The following ANK3 variants were observed in gnomAD, a reference collection of about 807,000 sequenced individuals.
ANK3 encodes the protein ankyrin 3, also known as ankyrin-3.
A neutral mutation model predicts 370.9 loss-of-function variants in ANK3; 57 were observed. The ratio of observed to expected loss-of-function variants is 0.15; its 90% confidence interval spans 0.12 to 0.19. The LOEUF (loss-of-function observed/expected upper bound fraction) is 0.19, where lower values mean the gene tolerates loss of function less well. Among genes scored for constraint, ANK3 ranks in the 10% least tolerant of loss-of-function variants. The pLI, the probability that ANK3 is intolerant of heterozygous loss-of-function variation, is 1.00. For synonymous variants in ANK3, 1,929 were observed against 1,946.3 expected (o/e 0.99, Z 0.23); for missense variants, 4,439 against 5,302.1 (o/e 0.84, Z 5.06).
At chr10:60,247,908 GT>G in intron 7 of ANK3, among the ~76,000 whole-genome samples, 1 of 152,116 alleles carries the variant, frequency 6.6e-6, no homozygotes, top group Non-Finnish European at 1.5e-5. Context: ...CTCAGATGAT[GT>G]GCCTGCCTCA....
chr10:60,231,333 C>A (rs144402768), intron 8 of ANK3, among the ~76,000 whole-genome samples: 4 of 152,316 alleles, frequency 2.6e-5, no homozygotes, highest in Admixed American at 2.0e-4. Context: ...CCAGGCAGGG[C>A]ACAGAGCAAT....
At chr10:60,043,527 C>G in intron 42 of ANK3, 1 of 985,420 alleles carries the variant, frequency 1.0e-6, no homozygotes, top group Non-Finnish European at 1.2e-6. Flanking sequence ...TTAACTGGCA[C>G]ATTGGAAATG....
At chr10:60,198,652 TC>T in intron 13 of ANK3, 115 bp from the exon 14 acceptor site, 1 of 894,390 alleles carries the variant, frequency 1.1e-6, no homozygotes, top group Non-Finnish European at 1.8e-6. Flanking sequence ...ACTTTTTGAG[TC>T]AATGCTAAAA....
At chr10:60,097,261 CA>C (rs2090327117) in intron 28 of ANK3, among the ~76,000 whole-genome samples, 1 of 152,190 alleles carries the variant, frequency 6.6e-6, no homozygotes, top group Non-Finnish European at 1.5e-5. Context: ...TGAAGTCACA[CA>C]GACATGGACT....
chr10:60,336,647 C>T (rs187608936), intron 1 of ANK3, among the ~76,000 whole-genome samples: 3 of 152,138 alleles, frequency 2.0e-5, no homozygotes, highest in Admixed American at 1.3e-4. Context: ...AATGAATGTG[C>T]ATTTTAAGAA....
In ANK3 at chr10:60,632,896, T is replaced by C. The variant is rs927704465; in HGVS notation, c.58-17672A>G. ...GACTCTGTCTTCAAAAACAAAAAAA[T>C]AAAAAACAAAAAAAAAACCATACTT... On this transcript the variant is annotated intron_variant, in intron 1 of 43. Transcript: ENST00000373827. Among the ~76,000 whole-genome samples, 5 of 91,504 alleles carry C rather than the reference T, an allele frequency of 5.5e-5. No individual in the cohort carries two copies. The South Asian group carries it at 2.3e-3, about 42-fold the overall frequency. 60.0% of individuals were successfully genotyped at this position (91,504 alleles called of 152,430 possible).
At chr10:60,276,637 A>G (rs2098094224) in intron 4 of ANK3, among the ~76,000 whole-genome samples, 1 of 152,240 alleles carries the variant, frequency 6.6e-6, no homozygotes, top group Non-Finnish European at 1.5e-5. Flanking sequence ...AATTGAAATT[A>G]GAACTAATTA....
chr10:60,378,588 A>G (rs958717361), intron 1 of ANK3, among the ~76,000 whole-genome samples: 3 of 152,262 alleles, frequency 2.0e-5, no homozygotes, highest in Middle Eastern at 3.4e-3. Context: ...AAGAACGCTC[A>G]TTGGGGAAAG....
chr10:60,166,495 G>A, intron 23 of ANK3, 96 bp downstream of exon 23: 1 of 922,720 alleles, frequency 1.1e-6, no homozygotes, highest in South Asian at 1.5e-5. Context: ...AATATGAAAA[G>A]TTAGTAACTC....
intron 2 of ANK3, among the ~76,000 whole-genome samples, chr10:60,455,917 TGAGATTATTA>T (rs777030642): frequency 6.6e-6 from 1 of 152,182 alleles, no homozygotes; most frequent in Non-Finnish European, 1.5e-5. Context: ...GTATGTACAA[TGAGATTATTA>T]AACAGTTCCC....
chr10:60,107,240 A>C (rs2092287302), intron 27 of ANK3, among the ~76,000 whole-genome samples: 2 of 152,178 alleles, frequency 1.3e-5, no homozygotes, highest in Non-Finnish European at 2.9e-5. Context: ...TGTTCTTAGC[A>C]GTATTAATAA....
intron 2 of ANK3, among the ~76,000 whole-genome samples, chr10:60,463,246 C>T (rs2064932867): frequency 2.6e-5 from 4 of 152,142 alleles, no homozygotes; most frequent in Non-Finnish European, 5.9e-5. Flanking sequence ...CTCTTTTGGA[C>T]TTGTTCCATA....
rs532004139 is a variant in ANK3 at position 60,069,726 on chromosome 10, G to A, written c.11155C>T (p.Arg3719Cys). 17 of 1,613,580 alleles carry A rather than the reference G, an allele frequency of 1.1e-5. No homozygotes were observed. Among genetic ancestry groups the A allele is most frequent in the East Asian group, 6.7e-5 (3 of 44,860 alleles). ...GAAATTCCCATTTTTATAGGCGTGC[G>A]CAACTTGGGGTCAACTTTAGAGGTG... ...TNTSKVDPKL[R>C]TPIKMGISAS... is the part of the protein sequence containing the mutation. Residue 3719 changes from arginine (R) to cysteine (C), a missense_variant, in exon 37 of 44, where the codon CGC (arginine) becomes TGC (cysteine). Physicochemically the swap from Arg to Cys is radical, Grantham distance 180 (BLOSUM62 -3). This residue lies in a region of ANK3 where 496 missense variants were observed against 529.3 expected (regional missense o/e 0.94). Coordinates refer to ENST00000280772, the MANE Select transcript of ANK3 (RefSeq NM_020987.5).
At chr10:60,390,421 T>A (rs1229087359), upstream of ANK3, among the ~76,000 whole-genome samples, 1 of 152,168 alleles carries the variant, frequency 6.6e-6, no homozygotes, top group Non-Finnish European at 1.5e-5. Flanking sequence ...TGTGCTGTAA[T>A]CAGTGTTTCT....
chr10:60,140,669 T>G, intron 23 of ANK3: 2 of 1,307,554 alleles, frequency 1.5e-6, no homozygotes, highest in Non-Finnish European at 1.9e-6. Flanking sequence ...GACATCCTTT[T>G]AAAGCTCCTT....
At chr10:60,548,442 G>A (rs1377921370) in intron 2 of ANK3, among the ~76,000 whole-genome samples, 4 of 151,476 alleles carry the variant, frequency 2.6e-5, no homozygotes, top group Admixed American at 2.6e-4. Flanking sequence ...TAGAGACGGG[G>A]TTTCGCTATG....
chr10:60,588,329 C>T (rs112518280), intron 2 of ANK3, among the ~76,000 whole-genome samples: 100 of 151,428 alleles, frequency 6.6e-4, no homozygotes, highest in African/African-American at 2.3e-3. Context: ...GCATTACAGG[C>T]GAGTGCCACC....
rs1177684200 is a variant in ANK3 at position 60,278,829 on chromosome 10, G to C, written c.359C>G (p.Ala120Gly). 2.5e-6 allele frequency: 4 copies of C among 1,613,778 alleles called. No individual in the cohort carries two copies. The highest frequency in any genetic ancestry group is 3.4e-6 in the Non-Finnish European group (4 of 1,179,922). The change falls in exon 4 of 44, where the codon GCA becomes GGA. Residue 120 changes from alanine to glycine, a missense_variant. Ala to Gly is a moderately conservative substitution (Grantham distance 60). This residue lies in a region of ANK3 where 136 missense variants were observed against 230.5 expected (regional missense o/e 0.59). Transcript: ENST00000280772. ...TGTAACCAAGACTTTTACCACCTCT[G>C]CTTGCCCAGCCAAAGATGCGATGTG... ...ALHIASLAGQAEVVKVLVTNG... is the reference protein window; with the variant it reads ...ALHIASLAGQGEVVKVLVTNG...
At chr10:60,489,764 C>A (rs2075445642) in intron 2 of ANK3, among the ~76,000 whole-genome samples, 1 of 152,092 alleles carries the variant, frequency 6.6e-6, no homozygotes, top group Admixed American at 6.5e-5. Flanking sequence ...CATGTGCATG[C>A]AAATAAAGAA....
Sources: gnomAD v4.1 joint callset for allele counts (sites outside exome capture counted in the v4.1 genomes callset) on GRCh38, gnomAD v4.1.1 for gene constraint, gnomAD v4.1.1 regional missense constraint, MANE v1.5 for transcripts, NCBI Gene and HGNC (gene_info 2026-07-23, HGNC 2026-07-21) for gene names.